Variants in CHEK1 observed in about 807,000 individuals in gnomAD.
CHEK1 encodes the protein serine/threonine-protein kinase Chk1.
In CHEK1, 32 loss-of-function variants were observed where a neutral mutation model predicts 60.2. The observed-to-expected ratio is 0.53, with a 90% CI of 0.40 to 0.71. CHEK1 has a LOEUF of 0.71. Ranked by LOEUF, CHEK1 falls within the 30% of genes least tolerant of loss-of-function variation. The pLI is 0.00. For synonymous variants in CHEK1, 179 were observed against 187.2 expected, an observed-to-expected ratio of 0.96 and a Z score of 0.36; for missense variants, 399 against 564.6, an observed-to-expected ratio of 0.71 and a Z score of 2.97.
chr11:125,665,633 T>G (rs1942085396), intron 13 of CHEK1, among the ~76,000 whole-genome samples: 1 of 152,118 alleles, frequency 6.6e-6, no homozygotes, highest in Non-Finnish European at 1.5e-5. Context: ...TGGAAGACTT[T>G]TTATTACTGC....
At chr11:125,680,410 G>A (rs974516334), downstream of CHEK1, among the ~76,000 whole-genome samples, 2 of 152,140 alleles carry the variant, frequency 1.3e-5, no homozygotes, top group Non-Finnish European at 2.9e-5. Flanking sequence ...CATTTAATTG[G>A]TGGGACAAAC....
rs749980029 is a variant in CHEK1 at position 125,644,169 on chromosome 11, C to G, written c.1002C>G (p.Tyr334Ter). ...GLSLWDTSPS[Y>*]IDKLVQGISF... ...CCTTATGGGATACCAGCCCCTCATA[C>G]ATTGATAAATTGGTACAAGGGATCA... Residue 334 changes from tyrosine to a stop codon, truncating the protein, a stop_gained, in exon 10 of 13, where the codon TAC becomes TAG. Transcript: ENST00000438015. LOFTEE classifies it high-confidence loss of function. 7 of 1,614,058 alleles carry G rather than the reference C, an allele frequency of 4.3e-6. No individual in the cohort carries two copies. The highest frequency in any genetic ancestry group is 5.1e-6 in the Non-Finnish European group (6 of 1,180,026).
chr11:125,654,856 T>A (rs1214562177), intron 12 of CHEK1, among the ~76,000 whole-genome samples: 1 of 152,242 alleles, frequency 6.6e-6, no homozygotes, highest in Admixed American at 6.5e-5. Context: ...TCAGTAGTGT[T>A]ATGACAACAA....
chr11:125,660,494 G>A (rs778812475), downstream of CHEK1, among the ~76,000 whole-genome samples: 3 of 152,014 alleles, frequency 2.0e-5, no homozygotes, highest in Non-Finnish European at 4.4e-5. Context: ...CCAACTAGCT[G>A]GGACTACAGG....
At chr11:125,669,047 T>G (rs998831715) in intron 13 of CHEK1, among the ~76,000 whole-genome samples, 2 of 152,140 alleles carry the variant, frequency 1.3e-5, no homozygotes, top group African/African-American at 4.8e-5. Flanking sequence ...TATATCTACT[T>G]ACATTAAAAA....
At chr11:125,676,407 A>G, downstream of CHEK1, 1 of 1,614,162 alleles carries the variant, frequency 6.2e-7, no homozygotes. Context: ...TGAGTGATGC[A>G]GGTTCCCTCT....
chr11:125,648,187 C>T (rs1453008717), intron 11 of CHEK1, among the ~76,000 whole-genome samples: 1 of 151,622 alleles, frequency 6.6e-6, no homozygotes, highest in Non-Finnish European at 1.5e-5. Context: ...TTGCTATATG[C>T]AAATGAATTT....
intron 5 of CHEK1, among the ~76,000 whole-genome samples, chr11:125,630,505 T>A (rs1940824364): frequency 1.3e-5 from 2 of 151,800 alleles, no homozygotes. Flanking sequence ...GAGATGGGGT[T>A]TTGTCATATT....
intron 11 of CHEK1, among the ~76,000 whole-genome samples, chr11:125,646,431 A>G (rs1310512100): frequency 1.3e-5 from 2 of 152,152 alleles, no homozygotes; most frequent in Non-Finnish European, 2.9e-5. Flanking sequence ...ACTGCTGTGA[A>G]CAATCTTGTA....
chr11:125,669,293 A>G (rs1001042213), intron 13 of CHEK1, among the ~76,000 whole-genome samples: 1 of 152,120 alleles, frequency 6.6e-6, no homozygotes, highest in Non-Finnish European at 1.5e-5. Flanking sequence ...AAGGGTTATT[A>G]TCTTGGAGAT....
downstream of CHEK1, among the ~76,000 whole-genome samples, chr11:125,679,415 G>A (rs752562126): frequency 2.0e-5 from 3 of 151,752 alleles, no homozygotes; most frequent in Admixed American, 6.6e-5. Context: ...ACAGGGTCTC[G>A]CCATGTTGGC....
At chr11:125,626,323 G>C in intron 1 of CHEK1, 1 of 463,930 alleles carries the variant, frequency 2.2e-6, no homozygotes, top group Non-Finnish European at 3.9e-6. Context: ...TGTGGATGGG[G>C]ATGGGAATTG....
intron 8 of CHEK1, among the ~76,000 whole-genome samples, chr11:125,638,210 C>T (rs186550616): frequency 9.9e-5 from 15 of 152,198 alleles, no homozygotes; most frequent in Admixed American, 2.0e-4. Flanking sequence ...GTCATATCTT[C>T]GGTTTAAAAA....
At chr11:125,627,116 T>C (rs1940648772) in intron 2 of CHEK1, among the ~76,000 whole-genome samples, 1 of 152,222 alleles carries the variant, frequency 6.6e-6, no homozygotes, top group African/African-American at 2.4e-5. Flanking sequence ...ACTCTGGAGA[T>C]TGCCTGCCTG....
At chr11:125,660,143 A>G (rs1304667064), downstream of CHEK1, among the ~76,000 whole-genome samples, 1 of 152,214 alleles carries the variant, frequency 6.6e-6, no homozygotes, top group African/African-American at 2.4e-5. Flanking sequence ...GCTGCTGTGC[A>G]CATTCTTTTA....
chr11:125,626,812 T>A lies in CHEK1; in HGVS notation c.44T>A (p.Leu15Gln), dbSNP rs2135968727. Reference sequence around the variant, plus strand: ...GAAGACTGGGACTTGGTGCAAACCCTGGGAGAAGGTGCCTATGGAGAGTGA... The same window carrying A: ...GAAGACTGGGACTTGGTGCAAACCCAGGGAGAAGGTGCCTATGGAGAGTGA... ...FVEDWDLVQT[L>Q]GEGAYGEVQL... Residue 15 changes from leucine to glutamine, a missense_variant, in exon 2 of 13, where the codon CTG becomes CAG. Physicochemically the swap from Leu to Gln is moderately radical, Grantham distance 113. Transcript: ENST00000438015. The A allele has an allele frequency of 6.2e-7, 1 of 1,614,180 alleles. No homozygotes were observed. The highest frequency in any genetic ancestry group is 8.5e-7 in the Non-Finnish European group (1 of 1,180,036).
At chr11:125,645,153 G>A (rs1454427410) in intron 11 of CHEK1, among the ~76,000 whole-genome samples, 2 of 151,618 alleles carry the variant, frequency 1.3e-5, no homozygotes, top group Non-Finnish European at 2.9e-5. Flanking sequence ...CACTGTGCCT[G>A]GCCTAAGAAA....
chr11:125,665,869 C>CTTTTTTTTTTTTTTT (rs66560397), intron 13 of CHEK1, among the ~76,000 whole-genome samples: 3 of 30,530 alleles, frequency 9.8e-5, no homozygotes, highest in African/African-American at 1.4e-4. Flanking sequence ...CTTCATTCCC[C>CTTTTTTTTTTTTTTT]TTTTTTTTTT....
chr11:125,654,801 G>A (rs559799347), intron 12 of CHEK1, among the ~76,000 whole-genome samples: 100 of 152,270 alleles, frequency 6.6e-4, no homozygotes, highest in Non-Finnish European at 1.1e-3. Context: ...AATTAAGATC[G>A]TAGTATAATG....
Sources: allele counts gnomAD v4.1 joint callset (sites outside exome capture counted in the v4.1 genomes callset), GRCh38; gene constraint gnomAD v4.1.1; transcripts MANE v1.5; gene names NCBI Gene and HGNC (gene_info 2026-07-23, HGNC 2026-07-21).